BMPER: variants seen among roughly 807,000 people sequenced by gnomAD.
BMPER encodes the protein BMP binding endothelial regulator.
A neutral mutation model predicts 87.3 loss-of-function variants in BMPER; 45 were observed. That is an observed-to-expected ratio of 0.52 (90% CI 0.41 to 0.66). The LOEUF (loss-of-function observed/expected upper bound fraction) is 0.66. Ranked by LOEUF, BMPER falls within the 30% of genes least tolerant of loss-of-function variation. The pLI is 0.00. For synonymous variants in BMPER, 326 were observed against 316.2 expected (o/e 1.03, Z -0.33); for missense variants, 784 against 867.5 (o/e 0.90, Z 1.21).
rs1453910594 is a variant in BMPER, at chr7:33,996,631, T to A, written c.576+21847T>A. 2.0e-5 allele frequency among the ~76,000 whole-genome samples: 3 copies of A among 152,338 alleles called. No homozygotes were observed. In the East Asian group the frequency reaches 5.8e-4, roughly 29 times the overall value. On this transcript the variant is annotated intron_variant, in intron 6 of 14. Coordinates refer to ENST00000649409, the MANE Select transcript of BMPER (RefSeq NM_001365308.1). ...GTCTACCACCATTCTAGTAATATTC[T>A]AATCTTGCACTGTCTGGTAGAAATA...
intron 2 of BMPER, among the ~76,000 whole-genome samples, chr7:33,925,991 G>C (rs909427557): frequency 6.6e-6 from 1 of 152,168 alleles, no homozygotes; most frequent in Admixed American, 6.5e-5. Flanking sequence ...CCTGCCTCGC[G>C]TCTGAGCTTC....
chr7:34,073,971 G>A (rs974734645), intron 11 of BMPER, among the ~76,000 whole-genome samples: 2 of 152,226 alleles, frequency 1.3e-5, no homozygotes, highest in African/African-American at 4.8e-5. Context: ...GCCAGCACTG[G>A]GCTCCATGGC....
rs191211028 is a variant in BMPER, at chr7:34,106,841, C to T, written c.1745+20749C>T. Reference sequence around the variant, plus strand: ...GGCCGACAGGCTTTGAGTATAATGTCCTCTGTTGTGCCTCAGGCCATTTTT... The same window carrying T: ...GGCCGACAGGCTTTGAGTATAATGTTCTCTGTTGTGCCTCAGGCCATTTTT... On this transcript the variant is annotated intron_variant, in intron 13 of 14. Coordinates refer to ENST00000649409, the MANE Select transcript of BMPER (RefSeq NM_001365308.1). Among the ~76,000 whole-genome samples, 120 of 152,304 alleles carry T rather than the reference C, an allele frequency of 7.9e-4. 1 individual carries two copies. Among genetic ancestry groups the T allele is most frequent in the Non-Finnish European group, 6.2e-4 (42 of 68,026 alleles).
intron 8 of BMPER, among the ~76,000 whole-genome samples, chr7:34,054,709 C>CTTAA (rs1327676495): frequency 6.6e-6 from 1 of 152,192 alleles, no homozygotes; most frequent in African/African-American, 2.4e-5. Context: ...TGCCTTTGCT[C>CTTAA]TTAACTTTTA....
intron 6 of BMPER, among the ~76,000 whole-genome samples, chr7:34,026,418 A>G (rs1424541326): frequency 6.6e-6 from 1 of 152,114 alleles, no homozygotes; most frequent in African/African-American, 2.4e-5. Flanking sequence ...GGGAATATTT[A>G]AACTTCTCAT....
intron 2 of BMPER, among the ~76,000 whole-genome samples, chr7:33,929,672 C>A (rs1784436480): frequency 1.3e-5 from 2 of 152,154 alleles, no homozygotes; most frequent in Non-Finnish European, 2.9e-5. Flanking sequence ...TGAATCTCTG[C>A]CCTGGCTAGC....
At chr7:33,910,670 C>T (rs1783935672) in intron 2 of BMPER, among the ~76,000 whole-genome samples, 2 of 152,144 alleles carry the variant, frequency 1.3e-5, no homozygotes, top group Non-Finnish European at 2.9e-5. Context: ...AGAAATGGAC[C>T]CTTTGCTCAT....
At chr7:33,981,007 A>G (rs975239058) in intron 6 of BMPER, among the ~76,000 whole-genome samples, 22 of 152,176 alleles carry the variant, frequency 1.4e-4, no homozygotes, top group Non-Finnish European at 1.2e-4. Flanking sequence ...CTTAGACTGG[A>G]TTCTTGAAGA....
intron 3 of BMPER, among the ~76,000 whole-genome samples, chr7:33,945,037 G>T (rs1784854015): frequency 6.6e-6 from 1 of 150,738 alleles, no homozygotes; most frequent in African/African-American, 2.4e-5. Context: ...CACCTCCTGG[G>T]TTCACACCAT....
chr7:34,025,153 C>A (rs1200281030), intron 6 of BMPER, among the ~76,000 whole-genome samples: 1 of 152,074 alleles, frequency 6.6e-6, no homozygotes, highest in Non-Finnish European at 1.5e-5. Flanking sequence ...GTGGTTTGTT[C>A]TTCCTTAAAG....
At chr7:34,112,386 C>T (rs1789991181) in intron 13 of BMPER, among the ~76,000 whole-genome samples, 2 of 150,710 alleles carry the variant, frequency 1.3e-5, no homozygotes, top group South Asian at 4.2e-4. Flanking sequence ...GTCCCAGCTA[C>T]TCGGGAGGCT....
intron 2 of BMPER, among the ~76,000 whole-genome samples, chr7:33,915,937 C>T (rs1784078677): frequency 6.6e-6 from 1 of 152,140 alleles, no homozygotes; most frequent in Non-Finnish European, 1.5e-5. Context: ...TCTCTATCTT[C>T]ATCATGAGGC....
chr7:34,059,008 A>G (rs1221500653), intron 10 of BMPER, among the ~76,000 whole-genome samples: 1 of 149,914 alleles, frequency 6.7e-6, no homozygotes, highest in Non-Finnish European at 1.5e-5. Flanking sequence ...ACAACTGAAT[A>G]AAGAGGAGAG....
chr7:33,990,546 T>A (rs1786178723), intron 6 of BMPER, among the ~76,000 whole-genome samples: 3 of 150,994 alleles, frequency 2.0e-5, no homozygotes, highest in Non-Finnish European at 4.4e-5. Flanking sequence ...AGATATACAA[T>A]CATGTCATCT....
intron 6 of BMPER, among the ~76,000 whole-genome samples, chr7:34,039,216 G>A (rs1397030379): frequency 3.9e-5 from 6 of 152,168 alleles, no homozygotes; most frequent in Non-Finnish European, 8.8e-5. Context: ...AGATAAATAA[G>A]CTTTAAGTCT....
chr7:34,148,670 G>T (rs1791091311), intron 14 of BMPER, among the ~76,000 whole-genome samples: 1 of 152,040 alleles, frequency 6.6e-6, no homozygotes, highest in Non-Finnish European at 1.5e-5. Context: ...AGACTGTGAG[G>T]GACATACCAG....
chr7:34,007,516 A>G lies in BMPER; in HGVS notation c.576+32732A>G, dbSNP rs77299969. ...TGCATTTACAGCCATAAGCATGCTC[A>G]TTCCTATGACCTATCCTTATAAATG... On this transcript the variant is annotated intron_variant, in intron 6 of 14. Coordinates refer to ENST00000649409, the MANE Select transcript of BMPER (RefSeq NM_001365308.1). Among the ~76,000 whole-genome samples the G allele has an allele frequency of 6.5e-3, 995 of 152,074 alleles. 10 individuals are homozygous for G. The highest frequency in any genetic ancestry group is 0.023 in the African/African-American group (957 of 41,536).
At chr7:34,031,961 CAT>C (rs1196652571) in intron 6 of BMPER, among the ~76,000 whole-genome samples, 21 of 129,514 alleles carry the variant, frequency 1.6e-4, no homozygotes, top group African/African-American at 3.5e-4. Context: ...TACACACACA[CAT>C]ATATATAAAT....
At chr7:34,019,422 C>T (rs539062572) in intron 6 of BMPER, among the ~76,000 whole-genome samples, 1 of 152,118 alleles carries the variant, frequency 6.6e-6, no homozygotes, top group East Asian at 2.0e-4. Context: ...TTCTGGGAAT[C>T]AAGACACATT....
Sources: gnomAD v4.1 joint callset for allele counts (sites outside exome capture counted in the v4.1 genomes callset) on GRCh38, gnomAD v4.1.1 for gene constraint, MANE v1.5 for transcripts, NCBI Gene and HGNC (gene_info 2026-07-23, HGNC 2026-07-21) for gene names.